ADGRF5: variants seen among roughly 807,000 people sequenced by gnomAD.
The protein encoded by ADGRF5 is G-protein coupled receptor 116.
ADGRF5 carries 75 observed loss-of-function variants against 132.3 expected under a neutral mutation model. The observed-to-expected ratio is 0.57, with a 90% CI of 0.47 to 0.69. The LOEUF (loss-of-function observed/expected upper bound fraction) is 0.69, where lower values mean the gene tolerates loss of function less well. Ranked by LOEUF, ADGRF5 falls within the 30% of genes least tolerant of loss-of-function variation. The pLI is 0.00. For synonymous variants in ADGRF5, 629 were observed against 597.6 expected, an observed-to-expected ratio of 1.05 and a Z score of -0.77; for missense variants, 1,516 against 1,630.6, an observed-to-expected ratio of 0.93 and a Z score of 1.21.
intron 2 of ADGRF5, among the ~76,000 whole-genome samples, chr6:46,900,517 T>C (rs1562214268): frequency 7.9e-6 from 1 of 125,956 alleles, no homozygotes; most frequent in Non-Finnish European, 1.9e-5. Context: ...CTTCCTGCTG[T>C]ATTAGGGCTC....
At chr6:46,954,218 G>C in intron 1 of ADGRF5, among the ~76,000 whole-genome samples, 1 of 151,544 alleles carries the variant, frequency 6.6e-6, no homozygotes, top group African/African-American at 2.4e-5. Context: ...TAATGTGGAA[G>C]TCCACCAGAT....
chr6:46,860,350 C>T (rs77243651), intron 16 of ADGRF5, among the ~76,000 whole-genome samples: 390 of 152,320 alleles, frequency 2.6e-3, no homozygotes, highest in African/African-American at 8.7e-3. Context: ...AACCTCTATG[C>T]TTCCAGAACC....
At chr6:46,896,657 T>G (rs1774208445) in intron 3 of ADGRF5, among the ~76,000 whole-genome samples, 1 of 121,904 alleles carries the variant, frequency 8.2e-6, no homozygotes, top group African/African-American at 4.1e-5. Context: ...ATGTGTGAGA[T>G]ATATGTGTGT....
At chr6:46,863,123 G>C (rs1415550745) in intron 14 of ADGRF5, 27 bp from the exon 15 acceptor site, 1 of 1,525,144 alleles carries the variant, frequency 6.6e-7, no homozygotes. Context: ...GAAATAAAGG[G>C]ATAATTGCAA....
intron 1 of ADGRF5, among the ~76,000 whole-genome samples, chr6:46,945,449 A>T (rs1369786256): frequency 1.3e-5 from 2 of 152,192 alleles, no homozygotes; most frequent in Non-Finnish European, 2.9e-5. Flanking sequence ...TGAAATACTG[A>T]TTAAAAACCT....
chr6:46,859,947 C>T (rs1562142871), intron 16 of ADGRF5, among the ~76,000 whole-genome samples: 1 of 152,052 alleles, frequency 6.6e-6, no homozygotes, highest in Non-Finnish European at 1.5e-5. Flanking sequence ...GCCTCGGCCT[C>T]CCAAAATGCC....
At chr6:46,923,741 A>C (rs547009454), upstream of ADGRF5, among the ~76,000 whole-genome samples, 1 of 152,200 alleles carries the variant, frequency 6.6e-6, no homozygotes, top group East Asian at 1.9e-4. Flanking sequence ...TGTTAGGAAC[A>C]CTATGTGCTT....
At chr6:46,860,386 T>A (rs1384894179) in intron 16 of ADGRF5, among the ~76,000 whole-genome samples, 1 of 152,194 alleles carries the variant, frequency 6.6e-6, no homozygotes, top group Non-Finnish European at 1.5e-5. Flanking sequence ...CCTTTAAAGT[T>A]CACATTTAGT....
intron 17 of ADGRF5, among the ~76,000 whole-genome samples, chr6:46,857,131 T>G (rs1169121346): frequency 6.6e-6 from 1 of 152,266 alleles, no homozygotes; most frequent in Admixed American, 6.5e-5. Context: ...TTTTCCAATT[T>G]TCCTTTAGTT....
In ADGRF5 at chr6:46,859,496, G is replaced by A. The variant is rs753583166; in HGVS notation, c.2407C>T (p.Leu803Phe). The A allele has an allele frequency of 1.2e-6, 2 of 1,612,566 alleles. No individual in the cohort carries two copies. The highest frequency in any genetic ancestry group is 1.7e-6 in the Non-Finnish European group (2 of 1,178,932). The change falls in exon 17 of 21, where the codon CTT (leucine) becomes TTT (phenylalanine). Residue 803 changes from leucine to phenylalanine, a missense_variant. Leu to Phe is a conservative substitution (Grantham distance 22, BLOSUM62 0). Around this residue, in one of 2 missense-constraint regions of ADGRF5, gnomAD observed 571 missense variants for 701.2 expected, o/e 0.81. Transcript: ENST00000283296. ...THVLSTVNVI[L>F]GKPVLNTWKV... The stretch of plus-strand genomic sequence containing the variant: ...CAGGTGTTCAAGACGGGCTTGCCAA[G>A]GATGACATTAACCGTAGAGAGCACG...
At chr6:46,929,468 T>G (rs1025530813) in intron 1 of ADGRF5, among the ~76,000 whole-genome samples, 26 of 147,268 alleles carry the variant, frequency 1.8e-4, no homozygotes, top group African/African-American at 6.5e-4. Flanking sequence ...GTTGTGCACA[T>G]GTACCCTAAA....
Position 46,868,889 on chromosome 6 carries a change from A to G in ADGRF5, c.1615T>C (p.Trp539Arg). Residue 539 changes from tryptophan to arginine, a missense_variant, in exon 12 of 21, where the codon TGG (tryptophan) becomes CGG (arginine). Trp to Arg is a moderately radical substitution (Grantham distance 101). Transcript: ENST00000283296. ...TGTCCGGCCTTTCACTCACCATTCCACTCCCTGGTCGAGGTCTTGACTGTC... is the reference window on the plus strand; with the variant it reads ...TGTCCGGCCTTTCACTCACCATTCCGCTCCCTGGTCGAGGTCTTGACTGTC... ...VLTVKTSTRE[W>R]NGTYHCIFRY... is the part of the protein sequence containing the mutation. 6.2e-7 allele frequency: 1 copy of G among 1,604,264 alleles called. No homozygotes were observed. The highest frequency in any genetic ancestry group is 8.5e-7 in the Non-Finnish European group (1 of 1,171,764).
At chr6:46,868,666 C>G (rs1037103720) in intron 12 of ADGRF5, among the ~76,000 whole-genome samples, 2 of 152,146 alleles carry the variant, frequency 1.3e-5, no homozygotes, top group Non-Finnish European at 2.9e-5. Context: ...ATTCCTGGCT[C>G]TAGAACTTAA....
At chr6:46,917,553 AC>A (rs1317091704) in intron 1 of ADGRF5, among the ~76,000 whole-genome samples, 2 of 152,222 alleles carry the variant, frequency 1.3e-5, no homozygotes, top group African/African-American at 4.8e-5. Context: ...GATTATTGGA[AC>A]AACTAAATGG....
chr6:46,877,603 A>C (rs1771963441), intron 10 of ADGRF5, among the ~76,000 whole-genome samples: 1 of 152,064 alleles, frequency 6.6e-6, no homozygotes, highest in Non-Finnish European at 1.5e-5. Context: ...TCATCAATAT[A>C]AACTGGAGGG....
intron 1 of ADGRF5, among the ~76,000 whole-genome samples, chr6:46,930,692 A>G (rs1206455558): frequency 6.6e-6 from 1 of 152,164 alleles, no homozygotes; most frequent in Non-Finnish European, 1.5e-5. Context: ...GCCATTTCAC[A>G]CCTTCTCTTC....
At chr6:46,868,476 G>A (rs1326956687) in intron 12 of ADGRF5, among the ~76,000 whole-genome samples, 1 of 152,178 alleles carries the variant, frequency 6.6e-6, no homozygotes, top group Non-Finnish European at 1.5e-5. Flanking sequence ...ATGGATAGAG[G>A]TAAACAGGAA....
intron 3 of ADGRF5, among the ~76,000 whole-genome samples, chr6:46,898,714 ACTCTGAT>A (rs1774432509): frequency 6.6e-6 from 1 of 152,056 alleles, no homozygotes; most frequent in African/African-American, 2.4e-5. Flanking sequence ...AGATGCCTCC[ACTCTGAT>A]CTTAGGGTAA....
upstream of ADGRF5, among the ~76,000 whole-genome samples, chr6:46,925,104 A>C (rs1461739528): frequency 6.6e-6 from 1 of 152,178 alleles, no homozygotes; most frequent in Non-Finnish European, 1.5e-5. Context: ...GGTCTTTTCA[A>C]CAGCCAGTGA....
Sources: allele counts gnomAD v4.1 joint callset (sites outside exome capture counted in the v4.1 genomes callset), GRCh38; gene constraint gnomAD v4.1.1; regional missense constraint gnomAD v4.1.1; transcripts MANE v1.5; gene names NCBI Gene and HGNC (gene_info 2026-07-23, HGNC 2026-07-21).